The following CCT8 variants were observed in gnomAD, a reference collection of about 807,000 sequenced individuals.
CCT8 encodes chaperonin containing TCP1 subunit 8, also known as T-complex protein 1 subunit theta.
A neutral mutation model predicts 65.7 loss-of-function variants in CCT8; 10 were observed. That is an observed-to-expected ratio of 0.15 (90% CI 0.09 to 0.26). The LOEUF is 0.26. CCT8 is among the 10% of genes least tolerant of loss of function. The pLI is 1.00. For synonymous variants in CCT8, 199 were observed against 221.8 expected (o/e 0.90, Z 0.92); for missense variants, 568 against 669.1 (o/e 0.85, Z 1.67).
At chr21:29,064,394 G>T (rs2146431087) in intron 7 of CCT8, among the ~76,000 whole-genome samples, 1 of 84,336 alleles carries the variant, frequency 1.2e-5, no homozygotes, top group East Asian at 3.6e-4. Context: ...AAGCCTGGGT[G>T]ACAAAGCAAG....
At chr21:29,060,378 A>G (rs975437696) in intron 14 of CCT8, among the ~76,000 whole-genome samples, 163 bp downstream of exon 14, 1 of 152,204 alleles carries the variant, frequency 6.6e-6, no homozygotes, top group African/African-American at 2.4e-5. Context: ...AATACAATTT[A>G]TAATAGAAGA....
intron 6 of CCT8, 80 bp downstream of exon 6, chr21:29,066,631 ATTTTT>A: frequency 1.5e-6 from 1 of 666,648 alleles, no homozygotes; most frequent in South Asian, 2.3e-5. Flanking sequence ...AGATGAACAC[ATTTTT>A]TTTTTTTTGC....
chr21:29,056,578 G>A, intron 14 of CCT8, 26 bp from the exon 15 acceptor site: 2 of 1,434,482 alleles, frequency 1.4e-6, no homozygotes, highest in Non-Finnish European at 9.4e-7. Flanking sequence ...TCACACAAGA[G>A]TATGCTTATC....
In CCT8 at chr21:29,061,641, A is replaced by G. The variant is rs373148888; in HGVS notation, c.1213-74T>C. ...ACTAAAAATCAGTTTGCAGTTTTCT[A>G]ATCTTTTCACATTCCAGTACCCCAC... On this transcript the variant is annotated intron_variant, in intron 11 of 14. Transcript: ENST00000286788. 283 of 1,431,510 alleles carry G rather than the reference A, an allele frequency of 2.0e-4. 3 individuals are homozygous for G. Among genetic ancestry groups the G allele is most frequent in the Middle Eastern group, 6.4e-4 (3 of 4,676 alleles). 88.7% of individuals were successfully genotyped at this position (1,431,510 alleles called of 1,614,324 possible).
intron 14 of CCT8, chr21:29,060,238 G>A: frequency 5.3e-6 from 1 of 188,156 alleles, no homozygotes; most frequent in Non-Finnish European, 1.1e-5. Flanking sequence ...TCAAGCTGGT[G>A]GTCTGCAATG....
intron 11 of CCT8, 44 bp downstream of exon 11, chr21:29,062,084 T>C (rs2085569973): frequency 7.8e-7 from 1 of 1,286,078 alleles, no homozygotes. Flanking sequence ...ACCATACAAA[T>C]TACTCAGACC....
intron 8 of CCT8, 143 bp from the exon 9 acceptor site, chr21:29,062,699 G>T: frequency 1.5e-6 from 1 of 674,588 alleles, no homozygotes; most frequent in Non-Finnish European, 2.5e-6. Context: ...TGTCTGGATT[G>T]CAATGAACAC....
chr21:29,058,764 TG>T (rs1278072817), intron 14 of CCT8, among the ~76,000 whole-genome samples: 3 of 151,106 alleles, frequency 2.0e-5, no homozygotes, highest in African/African-American at 7.3e-5. Context: ...GCTAATTTTT[TG>T]TTTTTTTTAG....
At chr21:29,070,863 A>G in intron 1 of CCT8, among the ~76,000 whole-genome samples, 1 of 152,332 alleles carries the variant, frequency 6.6e-6, no homozygotes, top group African/African-American at 2.4e-5. Context: ...AATGTGGAAT[A>G]TTCTTATTGT....
rs527759092 is a variant in CCT8 at position 29,070,275 on chromosome 21, T to C, written c.123A>G (p.Gln41=). 5.0e-6 allele frequency: 8 copies of C among 1,610,966 alleles called. No homozygotes were observed. In the South Asian group the frequency reaches 8.8e-5, roughly 18 times the overall value. Residue 41 remains glutamine, a synonymous_variant, in exon 2 of 15, where the codon CAA becomes CAG. Transcript: ENST00000286788. ...RNIQACKELA[Q]TTRTAYGPNG... ...TTGGTCCATATGCTGTACGAGTGGT[T>C]TGGGCAAGCTCCTTGCAAGCTTGTA...
At chr21:29,062,462 ATCTT>A in intron 9 of CCT8, 24 bp downstream of exon 9, 1 of 1,612,448 alleles carries the variant, frequency 6.2e-7, no homozygotes, top group Non-Finnish European at 8.5e-7. Context: ...TTGTTCAACT[ATCTT>A]TTAGTGTTTT....
At chr21:29,062,790 G>A in intron 8 of CCT8, 1 of 545,498 alleles carries the variant, frequency 1.8e-6, no homozygotes, top group East Asian at 3.0e-5. Flanking sequence ...GTGTTGTATG[G>A]CATTGTTCTA....
intron 2 of CCT8, 35 bp downstream of exon 2, chr21:29,070,212 T>C (rs2085666037): frequency 7.7e-7 from 1 of 1,296,926 alleles, no homozygotes; most frequent in Non-Finnish European, 1.1e-6. Context: ...AATATTCTAC[T>C]ACTGTATCTT....
chr21:29,059,813 T>C (rs2085543161), intron 14 of CCT8: 1 of 152,202 alleles, frequency 6.6e-6, no homozygotes, highest in Admixed American at 6.5e-5. Context: ...GTCCTTACTG[T>C]ACTTAAAAGC....
intron 8 of CCT8, 27 bp downstream of exon 8, chr21:29,063,325 T>TAA (rs200482519): frequency 2.8e-5 from 33 of 1,199,956 alleles, no homozygotes; most frequent in Non-Finnish European, 3.7e-5. Context: ...ATGATATAGG[T>TAA]AAAAAAAAAA....
At chr21:29,069,640 T>C (rs941683150) in intron 2 of CCT8, 138 bp from the exon 3 acceptor site, 10 of 525,732 alleles carry the variant, frequency 1.9e-5, no homozygotes, top group African/African-American at 1.6e-4. Flanking sequence ...ACATACTATC[T>C]ATTCTTCAAG....
rs1011791515 is a variant in CCT8, at chr21:29,064,058, C to T, written c.763-528G>A. On this transcript the variant is annotated intron_variant, in intron 7 of 14. Transcript: ENST00000286788. ...ACAGGCGTGAGATACCGTGCCCGGCCGAGAAGTGCTTTTATTTTAAATATG... is the reference window on the plus strand; with the variant it reads ...ACAGGCGTGAGATACCGTGCCCGGCTGAGAAGTGCTTTTATTTTAAATATG... Among the ~76,000 whole-genome samples, 13 of 152,180 alleles carry T rather than the reference C, an allele frequency of 8.5e-5. No homozygotes were observed. In the South Asian group the frequency reaches 2.1e-3, roughly 24 times the overall value.
At chr21:29,064,517 T>G (rs2085600437) in intron 7 of CCT8, among the ~76,000 whole-genome samples, 1 of 151,324 alleles carries the variant, frequency 6.6e-6, no homozygotes, top group Admixed American at 6.6e-5. Flanking sequence ...TATCAACAAC[T>G]TGGATTTCAA....
rs1337800624 is a variant in CCT8, at chr21:29,070,208, C to T, written c.151+39G>A. ...GAAAGAAGACGTAGTACACAATATT[C>T]TACTACTGTATCTTTACAAATATTA... On this transcript the variant is annotated intron_variant, in intron 2 of 14. Transcript: ENST00000286788. 4.0e-6 allele frequency: 5 copies of T among 1,253,524 alleles called. No individual in the cohort carries two copies. The East Asian group carries it at 9.4e-5, about 24-fold the overall frequency. The allele number at this position is 1,253,524 out of a possible 1,614,324, so 77.7% of individuals were successfully genotyped here.
Sources: allele counts gnomAD v4.1 joint callset (sites outside exome capture counted in the v4.1 genomes callset), GRCh38; gene constraint gnomAD v4.1.1; transcripts MANE v1.5; gene names NCBI Gene and HGNC (gene_info 2026-07-23, HGNC 2026-07-21).